SZT2: variants seen among roughly 807,000 people sequenced by gnomAD.
SZT2 encodes the protein KICSTOR complex protein SZT2.
In SZT2, 216 loss-of-function variants were observed where a neutral mutation model predicts 404.2. The ratio of observed to expected loss-of-function variants is 0.53; its 90% CI spans 0.48 to 0.60. The LOEUF (loss-of-function observed/expected upper bound fraction) is 0.60. Ranked by LOEUF, SZT2 falls within the 20% of genes least tolerant of loss-of-function variation. The pLI is 0.00. For synonymous variants in SZT2, 1,693 were observed against 1,749.9 expected, an observed-to-expected ratio of 0.97 and a Z score of 0.81; for missense variants, 3,857 against 4,459.2, an observed-to-expected ratio of 0.86 and a Z score of 3.85.
Position 43,447,088 on chromosome 1 carries a change from A to G in SZT2, c.9206A>G (p.Tyr3069Cys). Reference protein sequence around the residue: ...LGAHLVLRHGYHLTTFLRHFL... With the variant: ...LGAHLVLRHGCHLTTFLRHFL... Reference sequence around the variant, plus strand: ...GCCCATCTGGTGCTGCGGCACGGCTACCACCTCACCACCTTTCTGCGACAC... The same window carrying G: ...GCCCATCTGGTGCTGCGGCACGGCTGCCACCTCACCACCTTTCTGCGACAC... The change falls in exon 66 of 72, where the codon TAC becomes TGC. Residue 3069 changes from tyrosine to cysteine, a missense_variant. Around this residue, in one of 7 missense-constraint regions of SZT2, gnomAD observed 717 missense variants for 868.2 expected, o/e 0.83. Coordinates refer to ENST00000634258, the MANE Select transcript of SZT2 (RefSeq NM_001365999.1). The G allele has an allele frequency of 6.2e-7, 1 of 1,613,916 alleles. No homozygotes were observed. Among genetic ancestry groups the G allele is most frequent in the South Asian group, 1.1e-5 (1 of 91,054 alleles).
In SZT2 at chr1:43,425,479, C is replaced by T; in HGVS notation, c.2651C>T (p.Ser884Leu). Residue 884 changes from serine (S) to leucine (L), a missense_variant, in exon 19 of 72, where the codon TCG becomes TTG. By Grantham distance (145) the Ser-to-Leu change is moderately radical. This residue lies in a region of SZT2 where 1,725 missense variants were observed against 1,881.0 expected (regional missense o/e 0.92). Transcript: ENST00000634258. The surrounding 1 kb of genome is among the most constrained non-coding windows in gnomAD (Gnocchi z 4.3). ...CAGAGCCCTTCCTCCTTTAGCTTCT[C>T]GACAGATGATGACAATGATGTGGAA... ...PHSTSTKDSF[S>L]TDDDNDVEVE... is the part of the protein sequence containing the mutation. The T allele has an allele frequency of 2.5e-6, 4 of 1,614,110 alleles. No individual in the cohort carries two copies. Among genetic ancestry groups the T allele is most frequent in the South Asian group, 1.1e-5 (1 of 91,068 alleles).
intron 46 of SZT2, among the ~76,000 whole-genome samples, 162 bp from the exon 47 acceptor site, chr1:43,438,536 GT>G (rs1431947152): frequency 6.6e-6 from 1 of 152,144 alleles, no homozygotes; most frequent in African/African-American, 2.4e-5. Flanking sequence ...ATAACGAGTA[GT>G]TTGGCAGAAT....
chr1:43,440,847 G>A (rs1027518595), intron 52 of SZT2, among the ~76,000 whole-genome samples: 1 of 152,192 alleles, frequency 6.6e-6, no homozygotes, highest in Non-Finnish European at 1.5e-5. Context: ...TCCAGCCTGG[G>A]CAACACACAA....
intron 4 of SZT2, among the ~76,000 whole-genome samples, chr1:43,413,597 T>C (rs540286469): frequency 1.6e-4 from 25 of 152,310 alleles, no homozygotes; most frequent in African/African-American, 5.5e-4. Flanking sequence ...GTGGTACATA[T>C]ATACAATGGA....
At chr1:43,428,574 G>T in intron 28 of SZT2, 88 bp downstream of exon 28, 1 of 1,527,074 alleles carries the variant, frequency 6.5e-7, no homozygotes, top group Non-Finnish European at 8.8e-7. Flanking sequence ...GAATGACTGT[G>T]CAAGGTAGTA....
At position 43,446,949 on chromosome 1, in the gene SZT2, C is replaced by G. The variant is rs370224011; in HGVS notation, c.9073-6C>G. ...TTAACCCTGTCTCCTGCTGCTGCCT[C>G]CCCAGCTGTCCATGCTGTTCACAGA... On this transcript the variant is annotated splice_polypyrimidine_tract_variant and splice_region_variant and intron_variant, in intron 65 of 71. Transcript: ENST00000634258. The G allele has an allele frequency of 6.2e-7, 1 of 1,606,016 alleles. No individual in the cohort carries two copies. The highest frequency in any genetic ancestry group is 1.3e-5 in the African/African-American group (1 of 74,832).
rs1036371907 is a variant in SZT2, at chr1:43,442,761, TGA to T, written c.8152-50_8152-49del. 9.1e-6 allele frequency: 14 copies of T among 1,542,616 alleles called. No individual in the cohort carries two copies. Among genetic ancestry groups the T allele is most frequent in the African/African-American group, 8.2e-5 (6 of 73,164 alleles). On this transcript the variant is annotated intron_variant, in intron 58 of 71. Transcript: ENST00000634258. This position sits in a 1 kb window ranked among gnomAD's most constrained non-coding sequence, Gnocchi z 4.5. ...GAGTCTGAGAGAGGAAGCCCTGGGA[TGA>T]GAGAGAGGGTCCGAGGGCAAAGGCT... is the stretch of plus-strand genomic sequence containing the variant.
chr1:43,453,444 C>G lies in SZT2; in HGVS notation c.*2964C>G. 1 of 1,564,206 alleles carries G rather than the reference C, an allele frequency of 6.4e-7. No homozygotes were observed. Among genetic ancestry groups the G allele is most frequent in the Non-Finnish European group, 8.7e-7 (1 of 1,153,258 alleles). On this transcript the variant is annotated 3_prime_UTR_variant, in exon 72 of 72. Coordinates refer to ENST00000634258, the MANE Select transcript of SZT2 (RefSeq NM_001365999.1). ...GCCTGCTCCAGTCCCTCTCGGAAGGCCGCCTGTCTCCCGGGGACGGCCCCC... is the reference window on the plus strand; with the variant it reads ...GCCTGCTCCAGTCCCTCTCGGAAGGGCGCCTGTCTCCCGGGGACGGCCCCC...
At position 43,427,695 on chromosome 1, in the gene SZT2, G is replaced by A. The variant is rs780537732; in HGVS notation, c.3764G>A (p.Gly1255Asp). The change falls in exon 26 of 72, where the codon GGC becomes GAC. Residue 1255 changes from glycine (G) to aspartate (D), a missense_variant. Gly to Asp is a moderately conservative substitution (Grantham distance 94, BLOSUM62 -1). Around this residue, in one of 7 missense-constraint regions of SZT2, gnomAD observed 1,725 missense variants for 1,881.0 expected, o/e 0.92. Coordinates refer to ENST00000634258, the MANE Select transcript of SZT2 (RefSeq NM_001365999.1). ...SLEALREQMV[G>D]MQPPQAPRDL... ...GAAGCGCTGAGGGAACAAATGGTTG[G>A]CATGCAGCCCCCTCAGGCGCCCCGA... The A allele has an allele frequency of 6.2e-7, 1 of 1,613,910 alleles. No individual in the cohort carries two copies.
chr1:43,442,089 T>A lies in SZT2; in HGVS notation c.7832T>A (p.Leu2611Gln). ...RPAAERHLLL[L>Q]GRNFLQWRRP... ...GCAGCTGAGCGGCATCTGCTGCTTC[T>A]GGGAAGGAACTTCTTGCAGTGGAGG... The change falls in exon 56 of 72, where the codon CTG becomes CAG. Residue 2611 changes from leucine to glutamine, a missense_variant. By Grantham distance (113) the Leu-to-Gln change is moderately radical (BLOSUM62 -2). This residue lies in a region of SZT2 where 573 missense variants were observed against 592.4 expected (regional missense o/e 0.97). Transcript: ENST00000634258. The surrounding 1 kb of genome is among the most constrained non-coding windows in gnomAD (Gnocchi z 4.5). 1 of 1,604,882 alleles carries A rather than the reference T, an allele frequency of 6.2e-7. No individual in the cohort carries two copies. The highest frequency in any genetic ancestry group is 8.5e-7 in the Non-Finnish European group (1 of 1,175,930).
At chr1:43,401,761 C>T (rs548224643) in intron 1 of SZT2, among the ~76,000 whole-genome samples, 2 of 152,338 alleles carry the variant, frequency 1.3e-5, no homozygotes, top group South Asian at 4.1e-4. Flanking sequence ...GCTGGGATTA[C>T]AGGCATGAGC....
chr1:43,452,034 G>T lies in SZT2; in HGVS notation c.*1554G>T, dbSNP rs373493449. The stretch of plus-strand genomic sequence containing the variant: ...TCCTCCTAGCAGCATGTCGGGTGCT[G>T]TGAATAGAGCTCCTTCCCAAGTTTG... On this transcript the variant is annotated 3_prime_UTR_variant, in exon 72 of 72. Transcript: ENST00000634258. 1.3e-6 allele frequency: 2 copies of T among 1,592,868 alleles called. No homozygotes were observed. The highest frequency in any genetic ancestry group is 2.7e-5 in the African/African-American group (2 of 74,620).
At chr1:43,416,941 G>A (rs1277451658) in intron 7 of SZT2, among the ~76,000 whole-genome samples, 1 of 152,170 alleles carries the variant, frequency 6.6e-6, no homozygotes, top group Non-Finnish European at 1.5e-5. Context: ...TTGAGTGCAA[G>A]GGTCAGAAAA....
rs767141982 is a variant in SZT2, at chr1:43,426,463, C to A, written c.3139C>A (p.Arg1047=). 1.9e-6 allele frequency: 3 copies of A among 1,597,024 alleles called. No individual in the cohort carries two copies. Among genetic ancestry groups the A allele is most frequent in the Non-Finnish European group, 2.5e-6 (3 of 1,179,304 alleles). Residue 1047 remains arginine, a synonymous_variant, in exon 22 of 72, where the codon CGG becomes AGG. Transcript: ENST00000634258. This position sits in a 1 kb window ranked among gnomAD's most constrained non-coding sequence, Gnocchi z 4.9. ...CTGCCTGGGGCAGGAGCTGAGTGAC[C>A]GGGAGATCCCACTGACCCCCGTTGA... ...HSCLGQELSD[R]EIPLTPVDQA... is the part of the protein sequence containing the mutation.
At chr1:43,446,927 A>C (rs1655742055) in intron 65 of SZT2, 28 bp from the exon 66 acceptor site, 1 of 1,598,888 alleles carries the variant, frequency 6.3e-7, no homozygotes, top group African/African-American at 1.3e-5. Flanking sequence ...CCATACCTTA[A>C]CCCTGTCTCC....
rs560480887 is a variant in SZT2 at position 43,422,564 on chromosome 1, C to G, written c.1854C>G (p.Thr618=). The change falls in exon 13 of 72, where the codon ACC becomes ACG. Residue 618 remains threonine (T), a synonymous_variant. Transcript: ENST00000634258. Reference sequence around the variant, plus strand: ...GCAGGATCTCCCACTCCTCCCTGACCTCTCTGCTGCGGGACTGGAGCAGCT... The same window carrying G: ...GCAGGATCTCCCACTCCTCCCTGACGTCTCTGCTGCGGGACTGGAGCAGCT... ...IQCRISHSSL[T]SLLRDWSSFV... is the part of the protein sequence containing the mutation. The G allele has an allele frequency of 5.6e-5, 90 of 1,598,090 alleles. No homozygotes were observed. Among genetic ancestry groups the G allele is most frequent in the Non-Finnish European group, 7.4e-5 (87 of 1,179,732 alleles).
Position 43,425,052 on chromosome 1 carries a change from A to G in SZT2, c.2551-61A>G. ...AACTGAAATTCTGAGGGCCAGAGCT[A>G]GGCCAGGCCAGATCTCTGCCTTGGC... On this transcript the variant is annotated intron_variant, in intron 17 of 71. Coordinates refer to ENST00000634258, the MANE Select transcript of SZT2 (RefSeq NM_001365999.1). This position sits in a 1 kb window ranked among gnomAD's most constrained non-coding sequence, Gnocchi z 4.3. The G allele has an allele frequency of 6.3e-7, 1 of 1,597,560 alleles. No individual in the cohort carries two copies. Among genetic ancestry groups the G allele is most frequent in the Non-Finnish European group, 8.6e-7 (1 of 1,165,064 alleles).
chr1:43,415,535 A>C (rs1175242795), intron 5 of SZT2, among the ~76,000 whole-genome samples: 1 of 152,186 alleles, frequency 6.6e-6, no homozygotes, highest in East Asian at 1.9e-4. Flanking sequence ...ATCAGGGATA[A>C]AGCTGCCTAG....
chr1:43,438,645 A>G lies in SZT2; in HGVS notation c.6509-54A>G, dbSNP rs2842184. ...GTTTGGCATGATAGGGCTGCTATGG[A>G]GGTAGCTGGATCCTCTACCAGTGTC... is the stretch of plus-strand genomic sequence containing the variant. On this transcript the variant is annotated intron_variant, in intron 46 of 71. Transcript: ENST00000634258. The G allele has an allele frequency of 0.38, 585,546 of 1,522,592 alleles. 117,937 individuals carry two copies. Among genetic ancestry groups the G allele is most frequent in the Non-Finnish European group, 0.42 (463,040 of 1,102,614 alleles). 94.3% of individuals were successfully genotyped at this position (1,522,592 alleles called of 1,614,324 possible).
Sources: gnomAD v4.1 joint callset for allele counts (sites outside exome capture counted in the v4.1 genomes callset) on GRCh38, gnomAD v4.1.1 for gene constraint, gnomAD v4.1.1 regional missense constraint, Gnocchi (gnomAD v3.1) non-coding constraint, MANE v1.5 for transcripts, NCBI Gene and HGNC (gene_info 2026-07-23, HGNC 2026-07-21) for gene names.